Variants in SCRT1 observed in about 807,000 individuals in gnomAD.
SCRT1 encodes transcriptional repressor scratch 1.
In SCRT1, 1 loss-of-function variant was observed where a neutral mutation model predicts 3.4. The observed-to-expected ratio is 0.29, with a 90% CI of 0.10 to 1.39. The LOEUF is 1.39. SCRT1 is among the 40% of genes most tolerant of loss of function. The pLI is 0.42. For missense variants in SCRT1, 380 were observed against 526.3 expected, an observed-to-expected ratio of 0.72 and a Z score of 2.72; for synonymous variants, 238 against 247.0, an observed-to-expected ratio of 0.96 and a Z score of 0.34.
At position 144,333,803 on chromosome 8, in the gene SCRT1, C is replaced by T; in HGVS notation, c.429G>A (p.Ala143=). The change falls in exon 2 of 2, where the codon GCG becomes GCA. Residue 143 remains alanine, a synonymous_variant. Coordinates refer to ENST00000569446, the MANE Select transcript of SCRT1 (RefSeq NM_031309.6). ...AAAAPSTASA[A]APDGDAGGGG... ...CGCCTCCGGCGTCGCCGTCGGGGGC[C>T]GCCGCCGAGGCTGTGGAGGGAGCGG... 1 of 1,217,486 alleles carries T rather than the reference C, an allele frequency of 8.2e-7. No homozygotes were observed. 75.4% of individuals were successfully genotyped at this position (1,217,486 alleles called of 1,614,324 possible). A position where few individuals can be genotyped will look rare whatever the true frequency, so the allele number is the denominator to read the frequency against.
rs1817844955 is a variant in SCRT1 at position 144,333,956 on chromosome 8, C to T, written c.276G>A (p.Pro92=). 2.9e-6 allele frequency: 4 copies of T among 1,357,004 alleles called. No homozygotes were observed. Among genetic ancestry groups the T allele is most frequent in the East Asian group, 3.1e-5 (1 of 32,114 alleles). The allele number at this position is 1,357,004 out of a possible 1,614,324, so 84.1% of individuals were successfully genotyped here. The change falls in exon 2 of 2, where the codon CCG becomes CCA. Residue 92 remains proline (P), a synonymous_variant. Coordinates refer to ENST00000569446, the MANE Select transcript of SCRT1 (RefSeq NM_031309.6). ...AGSAPPPTPR[P]ELATAAGGYI... is the part of the protein sequence containing the mutation. ...AGCCGCCCGCAGCGGTGGCCAGCTCCGGGCGCGGGGTGGGCGGCGGCGCAG... is the reference window on the plus strand; with the variant it reads ...AGCCGCCCGCAGCGGTGGCCAGCTCTGGGCGCGGGGTGGGCGGCGGCGCAG...
chr8:144,332,781 G>T lies in SCRT1; in HGVS notation c.*404C>A, dbSNP rs1458486085. 1 of 166,744 alleles carries T rather than the reference G, an allele frequency of 6.0e-6. No individual in the cohort carries two copies. The highest frequency in any genetic ancestry group is 2.4e-5 in the African/African-American group (1 of 41,914). The allele number at this position is 166,744 out of a possible 1,614,324, so 10.3% of individuals were successfully genotyped here. A position where few individuals can be genotyped will look rare whatever the true frequency, so the allele number is the denominator to read the frequency against. On this transcript the variant is annotated 3_prime_UTR_variant, in exon 2 of 2. Transcript: ENST00000569446. ...CTGGGCCGCAGGCCCTGCGCTAGAAGGCTTGGGAAGGGGTGGGGAAGACCT... is the reference window on the plus strand; with the variant it reads ...CTGGGCCGCAGGCCCTGCGCTAGAATGCTTGGGAAGGGGTGGGGAAGACCT...
Position 144,333,709 on chromosome 8 carries a change from C to G in SCRT1, c.523G>C (p.Gly175Arg). The G allele has an allele frequency of 8.5e-7, 1 of 1,170,116 alleles. No individual in the cohort carries two copies. The allele number at this position is 1,170,116 out of a possible 1,614,324, so 72.5% of individuals were successfully genotyped here. The change falls in exon 2 of 2, where the codon GGC becomes CGC. Residue 175 changes from glycine to arginine, a missense_variant. Gly to Arg is a moderately radical substitution (Grantham distance 125). Transcript: ENST00000569446. ...GGRGGTRAGAGTEARAGPGAA... is the reference protein window; with the variant it reads ...GGRGGTRAGARTEARAGPGAA... ...CCTGGCCCCGCGCGCGCCTCGGTGC[C>G]TGCCCCCGCGCGCGTGCCGCCCCGG...
rs782377159 is a variant in SCRT1 at position 144,333,419 on chromosome 8, G to C, written c.813C>G (p.Thr271=). 1.9e-6 allele frequency: 3 copies of C among 1,603,276 alleles called. No homozygotes were observed. Among genetic ancestry groups the C allele is most frequent in the Non-Finnish European group, 2.5e-6 (3 of 1,176,724 alleles). ...WLLQGHMRSH[T]GEKPFGCAHC... ...GCGCGCAGCCGAAGGGTTTCTCGCC[G>C]GTGTGCGAGCGCATGTGGCCCTGCA... is the stretch of plus-strand genomic sequence containing the variant. Residue 271 remains threonine, a synonymous_variant, in exon 2 of 2, where the codon ACC becomes ACG. Coordinates refer to ENST00000569446, the MANE Select transcript of SCRT1 (RefSeq NM_031309.6).
At position 144,332,049 on chromosome 8, in the gene SCRT1, A is replaced by C. The variant is rs11775656; in HGVS notation, c.*1136T>G. On this transcript the variant is annotated 3_prime_UTR_variant, in exon 2 of 2. Transcript: ENST00000569446. The stretch of plus-strand genomic sequence containing the variant: ...CGAGTGGGGGCGGGGCCTGGGTCTC[A>C]GGGGCGGGGCCTGGGTCTCAGGGGA... 2.4e-5 allele frequency: 3 copies of C among 122,494 alleles called. No homozygotes were observed. Among genetic ancestry groups the C allele is most frequent in the East Asian group, 2.4e-4 (1 of 4,108 alleles). 7.6% of individuals were successfully genotyped at this position (122,494 alleles called of 1,614,324 possible).
In SCRT1 at chr8:144,333,866, C is replaced by A. The variant is rs1328927551; in HGVS notation, c.366G>T (p.Gly122=). Residue 122 remains glycine (G), a synonymous_variant, in exon 2 of 2, where the codon GGG becomes GGT. Transcript: ENST00000569446. ...YAADAFFITD[G]RSRRKASNAG... ...CATTGGAAGCCTTACGCCGCGAGCG[C>A]CCGTCGGTGATGAAGAAGGCGTCCG... The A allele has an allele frequency of 4.5e-5, 57 of 1,266,068 alleles. No homozygotes were observed. Among genetic ancestry groups the A allele is most frequent in the Non-Finnish European group, 5.4e-5 (54 of 1,006,398 alleles). The allele number at this position is 1,266,068 out of a possible 1,614,324, so 78.4% of individuals were successfully genotyped here.
Position 144,334,059 on chromosome 8 carries a change from G to A in SCRT1, c.173C>T (p.Ala58Val), listed in dbSNP as rs1554850046. 5.9e-6 allele frequency: 9 copies of A among 1,535,788 alleles called. No individual in the cohort carries two copies. The highest frequency in any genetic ancestry group is 4.4e-4 in the Middle Eastern group (2 of 4,582). Residue 58 changes from alanine to valine, a missense_variant, in exon 2 of 2, where the codon GCG (alanine) becomes GTG (valine). By Grantham distance (64) the Ala-to-Val change is moderately conservative (BLOSUM62 0). This residue lies in a region of SCRT1 where 125 missense variants were observed against 132.7 expected (regional missense o/e 0.94). Coordinates refer to ENST00000569446, the MANE Select transcript of SCRT1 (RefSeq NM_031309.6). ...SSVYDGDAEA[A>V]LLKGPSPEPM... ...CTCCGGCGACGGCCCTTTGAGCAGC[G>A]CAGCCTCGGCGTCGCCATCGTAGAC...
chr8:144,334,101 T>C lies in SCRT1; in HGVS notation c.131A>G (p.Tyr44Cys). 6.6e-7 allele frequency: 1 copy of C among 1,511,124 alleles called. No individual in the cohort carries two copies. The highest frequency in any genetic ancestry group is 8.8e-7 in the Non-Finnish European group (1 of 1,130,846). 93.6% of individuals were successfully genotyped at this position (1,511,124 alleles called of 1,614,324 possible). A position where few individuals can be genotyped will look rare whatever the true frequency, so the allele number is the denominator to read the frequency against. The change falls in exon 2 of 2, where the codon TAC becomes TGC. Residue 44 changes from tyrosine (Y) to cysteine (C), a missense_variant. Tyr to Cys is a radical substitution (Grantham distance 194, BLOSUM62 -2). Transcript: ENST00000569446. ...ATCGTAGACGGACGAGGGCCCCACG[T>C]AGTCGCTGAGGTACCCTGCGGGCGG... The part of the protein sequence containing the change: ...PLHDKGYLSD[Y>C]VGPSSVYDGD...
In SCRT1 at chr8:144,333,266, G is replaced by A. The variant is rs1299268309; in HGVS notation, c.966C>T (p.His322=). The A allele has an allele frequency of 1.9e-6, 3 of 1,611,834 alleles. No individual in the cohort carries two copies. The highest frequency in any genetic ancestry group is 2.7e-5 in the African/African-American group (2 of 74,936). Residue 322 remains histidine (H), a synonymous_variant, in exon 2 of 2, where the codon CAC becomes CAT. Coordinates refer to ENST00000569446, the MANE Select transcript of SCRT1 (RefSeq NM_031309.6). ...SFALKSYLNK[H]YESACFKGGA... ...CGCCCTTGAAGCAGGCCGACTCGTA[G>A]TGCTTGTTGAGATAGGACTTGAGCG...
chr8:144,331,167 C>G lies in SCRT1; in HGVS notation c.*2018G>C, dbSNP rs566137599. On this transcript the variant is annotated 3_prime_UTR_variant, in exon 2 of 2. Coordinates refer to ENST00000569446, the MANE Select transcript of SCRT1 (RefSeq NM_031309.6). The stretch of plus-strand genomic sequence containing the variant: ...TGGATGTGGGCACTGCTGTGCAGAG[C>G]GGTGGGTCATCCTTGTGGGGGCAGC... 2 of 152,354 alleles carry G rather than the reference C, an allele frequency of 1.3e-5. No individual in the cohort carries two copies. The highest frequency in any genetic ancestry group is 2.9e-5 in the Non-Finnish European group (2 of 68,080). 9.4% of individuals were successfully genotyped at this position (152,354 alleles called of 1,614,324 possible).
rs1042039900 is a variant in SCRT1 at position 144,334,109 on chromosome 8, G to A, written c.123C>T (p.Leu41=). 1.1e-5 allele frequency: 17 copies of A among 1,534,046 alleles called. No individual in the cohort carries two copies. Among genetic ancestry groups the A allele is most frequent in the Non-Finnish European group, 1.4e-5 (16 of 1,143,254 alleles). Residue 41 remains leucine (L), a synonymous_variant, in exon 2 of 2, where the codon CTC becomes CTT. Transcript: ENST00000569446. ...LGAPLHDKGY[L]SDYVGPSSVY... is the part of the protein sequence containing the mutation. ...CGGACGAGGGCCCCACGTAGTCGCT[G>A]AGGTACCCTGCGGGCGGAGGCGGAC...
Position 144,333,060 on chromosome 8 carries a change from C to G in SCRT1, c.*125G>C. The G allele has an allele frequency of 3.6e-6, 3 of 832,528 alleles. No homozygotes were observed. The highest frequency in any genetic ancestry group is 5.3e-6 in the Non-Finnish European group (3 of 565,406). The allele number at this position is 832,528 out of a possible 1,614,324, so 51.6% of individuals were successfully genotyped here. A position where few individuals can be genotyped will look rare whatever the true frequency, so the allele number is the denominator to read the frequency against. ...GCGGGCGGGGCGGGGTGGGACCGGG[C>G]CCCCCTCCCCCTATTGCTGTGAGGA... is the stretch of plus-strand genomic sequence containing the variant. On this transcript the variant is annotated 3_prime_UTR_variant, in exon 2 of 2. Coordinates refer to ENST00000569446, the MANE Select transcript of SCRT1 (RefSeq NM_031309.6).
chr8:144,334,172 C>T (rs1454782993), intron 1 of SCRT1, 56 bp from the exon 2 acceptor site: 2 of 265,154 alleles, frequency 7.5e-6, no homozygotes, highest in Non-Finnish European at 1.4e-5. Context: ...GCAGGACACA[C>T]ACGGGGGATG....
At chr8:144,334,440 G>C (rs1451467813) in intron 1 of SCRT1, among the ~76,000 whole-genome samples, 1 of 151,888 alleles carries the variant, frequency 6.6e-6, no homozygotes, top group Non-Finnish European at 1.5e-5. Flanking sequence ...TCAAGGTCAG[G>C]GGGGAGGGGC....
chr8:144,331,641 G>A lies in SCRT1; in HGVS notation c.*1544C>T, dbSNP rs921619313. ...TTAATGCCTGAAGGAGGGGTCTTGG[G>A]GGCAACCACCCCACCCCCGCCCATG... is the stretch of plus-strand genomic sequence containing the variant. On this transcript the variant is annotated 3_prime_UTR_variant, in exon 2 of 2. Coordinates refer to ENST00000569446, the MANE Select transcript of SCRT1 (RefSeq NM_031309.6). The A allele has an allele frequency of 3.3e-5, 5 of 152,356 alleles. No individual in the cohort carries two copies. The highest frequency in any genetic ancestry group is 2.0e-4 in the Admixed American group (3 of 15,302). The allele number at this position is 152,356 out of a possible 1,614,324, so 9.4% of individuals were successfully genotyped here.
At position 144,331,308 on chromosome 8, in the gene SCRT1, C is replaced by G. The variant is rs2130564176; in HGVS notation, c.*1877G>C. On this transcript the variant is annotated 3_prime_UTR_variant, in exon 2 of 2. Transcript: ENST00000569446. ...GGCAGATGTGTGTTGGCCAGAGGAT[C>G]AGAGAAGTGGCCACCTGTGTGGGGG... 1 of 152,390 alleles carries G rather than the reference C, an allele frequency of 6.6e-6. No individual in the cohort carries two copies. The highest frequency in any genetic ancestry group is 1.5e-5 in the Non-Finnish European group (1 of 68,084). The allele number at this position is 152,390 out of a possible 1,614,324, so 9.4% of individuals were successfully genotyped here.
chr8:144,333,076 G>T lies in SCRT1; in HGVS notation c.*109C>A. On this transcript the variant is annotated 3_prime_UTR_variant, in exon 2 of 2. Coordinates refer to ENST00000569446, the MANE Select transcript of SCRT1 (RefSeq NM_031309.6). ...GGGACCGGGCCCCCCTCCCCCTATT[G>T]CTGTGAGGAGGGGCCCGCCCTCCGG... is the stretch of plus-strand genomic sequence containing the variant. 3 of 965,464 alleles carry T rather than the reference G, an allele frequency of 3.1e-6. No homozygotes were observed. The highest frequency in any genetic ancestry group is 2.7e-5 in the East Asian group (1 of 36,634). The allele number at this position is 965,464 out of a possible 1,614,324, so 59.8% of individuals were successfully genotyped here. A position where few individuals can be genotyped will look rare whatever the true frequency, so the allele number is the denominator to read the frequency against.
At chr8:144,334,147 G>A (rs933898461) in intron 1 of SCRT1, 31 bp from the exon 2 acceptor site, 16 of 1,435,656 alleles carry the variant, frequency 1.1e-5, no homozygotes, top group African/African-American at 2.9e-5. Flanking sequence ...ACAGCGGGAA[G>A]GGAATGGGGC....
At position 144,334,005 on chromosome 8, in the gene SCRT1, T is replaced by C. The variant is rs1554850025; in HGVS notation, c.227A>G (p.Glu76Gly). 4 of 1,460,116 alleles carry C rather than the reference T, an allele frequency of 2.7e-6. No individual in the cohort carries two copies. The highest frequency in any genetic ancestry group is 3.6e-6 in the Non-Finnish European group (4 of 1,106,932). 90.4% of individuals were successfully genotyped at this position (1,460,116 alleles called of 1,614,324 possible). A position where few individuals can be genotyped will look rare whatever the true frequency, so the allele number is the denominator to read the frequency against. Residue 76 changes from glutamate to glycine, a missense_variant, in exon 2 of 2, where the codon GAG (glutamate) becomes GGG (glycine). Transcript: ENST00000569446. ...AGACCCTGCAGCCGCCGGACCCAGC[T>C]CTCCACGCACAGCTGCTGCGTACAT... ...EPMYAAAVRG[E>G]LGPAAAGSAP...
Sources: allele counts gnomAD v4.1 joint callset (sites outside exome capture counted in the v4.1 genomes callset), GRCh38; gene constraint gnomAD v4.1.1; regional missense constraint gnomAD v4.1.1; transcripts MANE v1.5; gene names NCBI Gene and HGNC (gene_info 2026-07-23, HGNC 2026-07-21).